Variants in CDH12 observed in about 807,000 individuals in gnomAD.
CDH12 encodes the protein cadherin-12.
CDH12 carries 41 observed loss-of-function variants against 74.1 expected under a neutral mutation model. The ratio of observed to expected loss-of-function variants is 0.55; its 90% CI spans 0.43 to 0.72. CDH12 has a LOEUF of 0.72. Ranked by LOEUF, CDH12 falls within the 30% of genes least tolerant of loss-of-function variation. The pLI, the probability that CDH12 is intolerant of heterozygous loss-of-function variation, is 0.00. For missense variants in CDH12, 945 were observed against 977.2 expected, an observed-to-expected ratio of 0.97 and a Z score of 0.44; for synonymous variants, 399 against 355.0, an observed-to-expected ratio of 1.12 and a Z score of -1.39.
At chr5:22,291,064 A>C (rs1737366049) in intron 3 of CDH12, among the ~76,000 whole-genome samples, 2 of 152,204 alleles carry the variant, frequency 1.3e-5, no homozygotes, top group South Asian at 4.1e-4. Flanking sequence ...ATGATTCGGC[A>C]TACATAAATC....
At chr5:21,986,546 C>G (rs1165103436) in intron 5 of CDH12, among the ~76,000 whole-genome samples, 1 of 152,064 alleles carries the variant, frequency 6.6e-6, no homozygotes, top group Non-Finnish European at 1.5e-5. Flanking sequence ...TCCTACTTTT[C>G]CAACATTGTA....
At chr5:22,017,466 C>A (rs2150157917) in intron 5 of CDH12, among the ~76,000 whole-genome samples, 1 of 152,274 alleles carries the variant, frequency 6.6e-6, no homozygotes, top group East Asian at 1.9e-4. Context: ...AACTGTTTTT[C>A]AGATGCTCCC....
chr5:22,519,705 G>A (rs1371999269), intron 1 of CDH12, among the ~76,000 whole-genome samples: 1 of 152,024 alleles, frequency 6.6e-6, no homozygotes, highest in Non-Finnish European at 1.5e-5. Context: ...GAACTTTCGT[G>A]TTAGAATGAA....
chr5:22,381,172 A>T (rs758245587), intron 3 of CDH12, among the ~76,000 whole-genome samples: 2 of 152,030 alleles, frequency 1.3e-5, no homozygotes, highest in East Asian at 3.8e-4. Flanking sequence ...TCATTTTTAT[A>T]TATGCTCATC....
chr5:22,529,151 ATATATACAC>A (rs1737440860), intron 1 of CDH12, among the ~76,000 whole-genome samples: 1 of 142,302 alleles, frequency 7.0e-6, no homozygotes, highest in Admixed American at 7.2e-5. Flanking sequence ...ATATACACAT[ATATATACAC>A]ATGTGTATAT....
chr5:21,968,421 A>G (rs1418913464), intron 6 of CDH12, among the ~76,000 whole-genome samples: 3 of 152,202 alleles, frequency 2.0e-5, no homozygotes. Context: ...ACAAAAGGAT[A>G]TGCACTCTTA....
At chr5:22,493,025 G>A (rs142069789) in intron 2 of CDH12, among the ~76,000 whole-genome samples, 38 of 152,294 alleles carry the variant, frequency 2.5e-4, no homozygotes, top group Non-Finnish European at 3.5e-4. Context: ...CCACGGTGGT[G>A]TTCACTTTTG....
At chr5:22,614,294 A>G (rs1737572147) in intron 1 of CDH12, among the ~76,000 whole-genome samples, 1 of 152,130 alleles carries the variant, frequency 6.6e-6, no homozygotes, top group Non-Finnish European at 1.5e-5. Flanking sequence ...AAGCAGACAT[A>G]CATTATTCAG....
At chr5:22,420,827 T>C (rs1743617004) in intron 2 of CDH12, among the ~76,000 whole-genome samples, 1 of 152,230 alleles carries the variant, frequency 6.6e-6, no homozygotes, top group Admixed American at 6.5e-5. Flanking sequence ...TCTGTGAGCA[T>C]AGAATGTTTT....
chr5:21,812,025 A>G (rs1747772715), intron 9 of CDH12, among the ~76,000 whole-genome samples: 1 of 152,044 alleles, frequency 6.6e-6, no homozygotes, highest in African/African-American at 2.4e-5. Flanking sequence ...CCCTCCCTCT[A>G]TACAGGAAAT....
At chr5:21,880,769 G>A (rs768108136) in intron 6 of CDH12, among the ~76,000 whole-genome samples, 10 of 149,582 alleles carry the variant, frequency 6.7e-5, no homozygotes, top group Non-Finnish European at 1.3e-4. Context: ...TCGTTGTGAC[G>A]TCTAATAGAA....
At chr5:22,750,709 T>C (rs191204299) in intron 1 of CDH12, among the ~76,000 whole-genome samples, 86 of 152,194 alleles carry the variant, frequency 5.7e-4, no homozygotes, top group African/African-American at 2.0e-3. Context: ...AAATGGAGAA[T>C]TCAGTTTGGA....
chr5:22,494,343 G>A (rs147795505), intron 2 of CDH12, among the ~76,000 whole-genome samples: 2 of 152,274 alleles, frequency 1.3e-5, no homozygotes, highest in South Asian at 2.1e-4. Flanking sequence ...GTGGGTGTGA[G>A]TATGCCCTAC....
chr5:22,028,383 T>C (rs925858300), intron 5 of CDH12, among the ~76,000 whole-genome samples: 1 of 152,094 alleles, frequency 6.6e-6, no homozygotes, highest in African/African-American at 2.4e-5. Context: ...GCCCAAAATC[T>C]CCTTAAGCTG....
intron 3 of CDH12, among the ~76,000 whole-genome samples, chr5:22,246,926 TGAA>T (rs1421128724): frequency 6.6e-6 from 1 of 152,188 alleles, no homozygotes; most frequent in Non-Finnish European, 1.5e-5. Context: ...TGGCATTGTT[TGAA>T]GAAACAAAAG....
intron 5 of CDH12, among the ~76,000 whole-genome samples, chr5:21,980,973 A>G (rs1044871001): frequency 2.0e-5 from 3 of 152,194 alleles, no homozygotes; most frequent in African/African-American, 7.2e-5. Context: ...CGAAGAGTTT[A>G]TAATCCTAAA....
chr5:21,912,988 G>A (rs904140420), intron 6 of CDH12, among the ~76,000 whole-genome samples: 9 of 152,068 alleles, frequency 5.9e-5, no homozygotes, highest in African/African-American at 9.7e-5. Context: ...GATTATAGGC[G>A]TGTGCCACAA....
chr5:22,215,773 C>T (rs192511251), intron 3 of CDH12, among the ~76,000 whole-genome samples: 1 of 152,188 alleles, frequency 6.6e-6, no homozygotes, highest in East Asian at 1.9e-4. Context: ...CATGCTTTAT[C>T]TACAGGTTTC....
chr5:22,114,542 AT>A (rs1744983605), intron 4 of CDH12, among the ~76,000 whole-genome samples: 1 of 152,222 alleles, frequency 6.6e-6, no homozygotes, highest in Non-Finnish European at 1.5e-5. Context: ...CTTATTCTCA[AT>A]TGTTTATTGA....
Sources: gnomAD v4.1 joint callset for allele counts (sites outside exome capture counted in the v4.1 genomes callset) on GRCh38, gnomAD v4.1.1 for gene constraint, MANE v1.5 for transcripts, NCBI Gene and HGNC (gene_info 2026-07-23, HGNC 2026-07-21) for gene names.